The following GON4L variants were observed in gnomAD, a reference collection of about 807,000 sequenced individuals.
GON4L encodes the protein GON-4-like protein.
Under a neutral mutation model 211.8 loss-of-function variants are expected in GON4L, and 87 were observed. The observed-to-expected ratio is 0.41, with a 90% confidence interval of 0.35 to 0.49. GON4L has a LOEUF of 0.49. Ranked by LOEUF, GON4L falls within the 20% of genes least tolerant of loss-of-function variation. The pLI, the probability that GON4L is intolerant of heterozygous loss-of-function variation, is 0.15. For synonymous variants in GON4L, 875 were observed against 962.6 expected, an observed-to-expected ratio of 0.91 and a Z score of 1.68; for missense variants, 2,155 against 2,659.5, an observed-to-expected ratio of 0.81 and a Z score of 4.17.
At chr1:155,766,830 G>C in intron 20 of GON4L, 121 bp from the exon 21 acceptor site, 1 of 1,462,316 alleles carries the variant, frequency 6.8e-7, no homozygotes, top group South Asian at 1.2e-5. Context: ...CAGATCACTT[G>C]AGGTCAGGAG....
chr1:155,776,513 T>A, intron 15 of GON4L, 32 bp from the exon 16 acceptor site: 1 of 1,432,498 alleles, frequency 7.0e-7, no homozygotes, highest in Non-Finnish European at 9.8e-7. Context: ...TGAAGTGACA[T>A]GTTACCACAT....
intron 12 of GON4L, among the ~76,000 whole-genome samples, chr1:155,790,220 C>G (rs1295095797): frequency 6.6e-6 from 1 of 152,128 alleles, no homozygotes; most frequent in African/African-American, 2.4e-5. Flanking sequence ...CTGCCTCAGC[C>G]TCCTTAGTAG....
intron 14 of GON4L, among the ~76,000 whole-genome samples, chr1:155,779,788 A>AATTTATTT (rs542685266): frequency 1.3e-5 from 2 of 151,672 alleles, no homozygotes; most frequent in South Asian, 2.1e-4. Flanking sequence ...TTAGAAGAGG[A>AATTTATTT]ATTTATTTAT....
chr1:155,776,366 T>C lies in GON4L; in HGVS notation c.2178+29A>G, dbSNP rs1324054011. 5.8e-6 allele frequency: 8 copies of C among 1,389,680 alleles called. No individual in the cohort carries two copies. In the Admixed American group the frequency reaches 6.7e-5, roughly 12 times the overall value. 86.1% of individuals were successfully genotyped at this position (1,389,680 alleles called of 1,614,324 possible). Reference sequence around the variant, plus strand: ...GCCAAGCTAATTTCATACTCTAGTCTTTAGAGTTATGGATATTTGGAAACT... The same window carrying C: ...GCCAAGCTAATTTCATACTCTAGTCCTTAGAGTTATGGATATTTGGAAACT... On this transcript the variant is annotated intron_variant, in intron 16 of 31. Coordinates refer to ENST00000368331, the MANE Select transcript of GON4L (RefSeq NM_001282860.2).
Position 155,849,760 on chromosome 1 carries a change from C to T in GON4L, c.505+3516G>A, listed in dbSNP as rs577590508. On this transcript the variant is annotated intron_variant, in intron 2 of 31. Transcript: ENST00000368331. ...CTGCCCTCCAGCCTGGGCAACAGAA[C>T]GAGACTCCGTCTCAAAAAAAAAAAA... 1.6e-3 allele frequency among the ~76,000 whole-genome samples: 157 copies of T among 97,356 alleles called. 1 individual carries two copies. Among genetic ancestry groups the T allele is most frequent in the African/African-American group, 6.0e-3 (144 of 24,134 alleles). The allele number at this position is 97,356 out of a possible 152,430, so 63.9% of individuals were successfully genotyped here. A position where few individuals can be genotyped will look rare whatever the true frequency, so the allele number is the denominator to read the frequency against.
chr1:155,843,025 A>G (rs1571920911), intron 2 of GON4L, among the ~76,000 whole-genome samples: 1 of 151,066 alleles, frequency 6.6e-6, no homozygotes, highest in East Asian at 2.0e-4. Flanking sequence ...TACAGGCACA[A>G]GAGGAGGACA....
intron 10 of GON4L, among the ~76,000 whole-genome samples, chr1:155,805,637 G>A (rs540963740): frequency 9.9e-5 from 15 of 151,730 alleles, no homozygotes; most frequent in South Asian, 8.3e-4. Context: ...GTCTCTGGCC[G>A]CTTTCAGTTA....
At chr1:155,810,308 TA>T (rs1667632317) in intron 10 of GON4L, among the ~76,000 whole-genome samples, 1 of 152,004 alleles carries the variant, frequency 6.6e-6, no homozygotes, top group South Asian at 2.1e-4. Context: ...TTATATTTTT[TA>T]ATTTTAGGAT....
chr1:155,777,484 C>G, intron 15 of GON4L, 138 bp downstream of exon 15: 1 of 732,600 alleles, frequency 1.4e-6, no homozygotes, highest in East Asian at 2.6e-5. Context: ...GAGGCTGAGG[C>G]AGGAGAAATG....
chr1:155,851,761 A>G (rs1193949024), intron 2 of GON4L, among the ~76,000 whole-genome samples: 4 of 151,630 alleles, frequency 2.6e-5, no homozygotes, highest in Non-Finnish European at 5.9e-5. Flanking sequence ...CTAAAGCATA[A>G]ATGTGTTCTA....
At chr1:155,837,468 C>A (rs1054509247) in intron 2 of GON4L, among the ~76,000 whole-genome samples, 2 of 152,146 alleles carry the variant, frequency 1.3e-5, no homozygotes, top group Non-Finnish European at 2.9e-5. Context: ...TTTCAGTCTT[C>A]TTTTATTATA....
chr1:155,825,091 G>A (rs984552625), intron 3 of GON4L, among the ~76,000 whole-genome samples: 1 of 151,852 alleles, frequency 6.6e-6, no homozygotes, highest in South Asian at 2.1e-4. Flanking sequence ...TTGAACCTAG[G>A]AGTTCAAATT....
intron 2 of GON4L, among the ~76,000 whole-genome samples, chr1:155,847,128 C>T (rs1571932831): frequency 6.6e-6 from 1 of 152,188 alleles, no homozygotes; most frequent in African/African-American, 2.4e-5. Flanking sequence ...TCTCTGACTC[C>T]GTGAGTTGAA....
At chr1:155,807,194 A>G (rs546795313) in intron 10 of GON4L, among the ~76,000 whole-genome samples, 1 of 152,120 alleles carries the variant, frequency 6.6e-6, no homozygotes, top group East Asian at 1.9e-4. Flanking sequence ...TGAGTCTAGG[A>G]GTTCAAGACC....
intron 14 of GON4L, among the ~76,000 whole-genome samples, chr1:155,780,345 A>C (rs1371224632): frequency 2.0e-5 from 3 of 151,920 alleles, no homozygotes; most frequent in Non-Finnish European, 2.9e-5. Flanking sequence ...TAATGCCAGC[A>C]ATTTGGGAGG....
intron 2 of GON4L, among the ~76,000 whole-genome samples, chr1:155,832,284 AAAAAAAAAAAAAAAAAAAGAAAG>A (rs1669860887): frequency 6.8e-6 from 1 of 147,818 alleles, no homozygotes; most frequent in Non-Finnish European, 1.5e-5. Context: ...CGTCTCAAAA[AAAAAAAAAAAAAAAAAAAGAAAG>A]AAAAAAAAAG....
downstream of GON4L, chr1:155,748,652 G>C: frequency 6.2e-7 from 1 of 1,613,458 alleles, no homozygotes; most frequent in Non-Finnish European, 8.5e-7. Context: ...CTCCAGGCCA[G>C]TCCCTTCCTG....
upstream of GON4L, among the ~76,000 whole-genome samples, chr1:155,857,729 A>G (rs1672407670): frequency 6.7e-6 from 1 of 149,174 alleles, no homozygotes; most frequent in Non-Finnish European, 1.5e-5. Flanking sequence ...TCTGTATCAA[A>G]AAAAAAAAAA....
At chr1:155,812,326 T>C (rs973087898) in intron 10 of GON4L, among the ~76,000 whole-genome samples, 1 of 151,900 alleles carries the variant, frequency 6.6e-6, no homozygotes, top group Non-Finnish European at 1.5e-5. Flanking sequence ...TTCTACAAAA[T>C]AAATGGTGCA....
Sources: allele counts gnomAD v4.1 joint callset (sites outside exome capture counted in the v4.1 genomes callset), GRCh38; gene constraint gnomAD v4.1.1; transcripts MANE v1.5; gene names NCBI Gene and HGNC (gene_info 2026-07-23, HGNC 2026-07-21).